The following TAS2R1 variants were observed in gnomAD, a reference collection of about 807,000 sequenced individuals.
TAS2R1 encodes taste receptor type 2 member 1.
For synonymous variants in TAS2R1, 141 were observed against 134.2 expected, an observed-to-expected ratio of 1.05 and a Z score of -0.35; for missense variants, 370 against 353.4, an observed-to-expected ratio of 1.05 and a Z score of -0.38.
chr5:9,873,822 T>C, the TAS2R1 span, among the ~76,000 whole-genome samples: 33 of 147,254 alleles, frequency 2.2e-4, no homozygotes, highest in South Asian at 1.3e-3. Flanking sequence ...TGAGCGGAGA[T>C]TGAGCCATTG....
chr5:9,669,090 C>G lies in TAS2R1; in HGVS notation c.-241-9509G>C, dbSNP rs536318688. Among the ~76,000 whole-genome samples, 6 of 152,110 alleles carry G rather than the reference C, an allele frequency of 3.9e-5. No homozygotes were observed. In the East Asian group the frequency reaches 1.2e-3, roughly 29 times the overall value. On this transcript the variant is annotated intron_variant, in intron 1 of 2. Coordinates refer to the TAS2R1 transcript ENST00000506620. ...AAACACTGGCAAAGCAAATGGAAAACAGAGAAAAAGCAGGAGTTGCTATTC... is the reference window on the plus strand; with the variant it reads ...AAACACTGGCAAAGCAAATGGAAAAGAGAGAAAAAGCAGGAGTTGCTATTC...
At chr5:9,823,449 GAGGGAGGA>G in the TAS2R1 span, among the ~76,000 whole-genome samples, 28 of 151,228 alleles carry the variant, frequency 1.9e-4, no homozygotes, top group African/African-American at 5.6e-4. Context: ...GGAAGAGAGG[GAGGGAGGA>G]AGGGAGGAAG....
At chr5:9,642,642 C>T (rs1740109630) in intron 2 of TAS2R1, among the ~76,000 whole-genome samples, 1 of 152,154 alleles carries the variant, frequency 6.6e-6, no homozygotes, top group Admixed American at 6.5e-5. Context: ...CCTTCCCTTG[C>T]TCAATTTATT....
At chr5:9,799,310 A>G in the TAS2R1 span, among the ~76,000 whole-genome samples, 1 of 152,252 alleles carries the variant, frequency 6.6e-6, no homozygotes, top group Non-Finnish European at 1.5e-5. Flanking sequence ...ACTAAGTATC[A>G]GTGACAATTA....
At chr5:9,766,767 C>T in the TAS2R1 span, among the ~76,000 whole-genome samples, 1 of 152,196 alleles carries the variant, frequency 6.6e-6, no homozygotes, top group Non-Finnish European at 1.5e-5. Context: ...CTGACTCAGA[C>T]TAATGGCCAG....
At chr5:9,846,297 CTA>C in the TAS2R1 span, among the ~76,000 whole-genome samples, 3 of 152,182 alleles carry the variant, frequency 2.0e-5, no homozygotes, top group Non-Finnish European at 4.4e-5. Context: ...CCCATAGGGA[CTA>C]TGTCTTTCTG....
intron 2 of TAS2R1, among the ~76,000 whole-genome samples, chr5:9,643,948 G>A (rs1187273920): frequency 6.6e-6 from 1 of 152,160 alleles, no homozygotes; most frequent in East Asian, 1.9e-4. Context: ...CAGGCAGAGA[G>A]AGGAGGAAAT....
chr5:9,858,755 G>A, the TAS2R1 span, among the ~76,000 whole-genome samples: 4 of 152,130 alleles, frequency 2.6e-5, no homozygotes, highest in Non-Finnish European at 5.9e-5. Context: ...GGTTGTTACA[G>A]GGGTGCTTTC....
chr5:9,778,272 T>G, the TAS2R1 span, among the ~76,000 whole-genome samples: 1 of 152,224 alleles, frequency 6.6e-6, no homozygotes, highest in South Asian at 2.1e-4. Context: ...CTTAAAATAT[T>G]CAATAAACCA....
At chr5:9,793,663 G>A in the TAS2R1 span, among the ~76,000 whole-genome samples, 3 of 152,176 alleles carry the variant, frequency 2.0e-5, no homozygotes, top group African/African-American at 7.2e-5. Flanking sequence ...TGTGGTGTGT[G>A]GTCAGGCAGA....
the TAS2R1 span, among the ~76,000 whole-genome samples, chr5:9,756,493 T>A: frequency 6.6e-6 from 1 of 152,222 alleles, no homozygotes; most frequent in Non-Finnish European, 1.5e-5. Flanking sequence ...ATTGTACCTC[T>A]ACAAACTCAA....
chr5:9,870,063 C>T, the TAS2R1 span: 1 of 152,346 alleles, frequency 6.6e-6, no homozygotes, highest in Admixed American at 6.5e-5. Context: ...GGAAACATGA[C>T]TAAGCCTTTT....
the TAS2R1 span, among the ~76,000 whole-genome samples, chr5:9,884,473 TAAAAAAAA>T: frequency 9.2e-6 from 1 of 108,294 alleles, no homozygotes; most frequent in African/African-American, 3.5e-5. Flanking sequence ...GACTCTGACT[TAAAAAAAA>T]AAAAAAAAAA....
chr5:9,894,152 C>T, the TAS2R1 span, among the ~76,000 whole-genome samples: 14,366 of 152,150 alleles, frequency 0.094, 679 homozygotes, highest in African/African-American at 0.099. Flanking sequence ...CCTGTAATCC[C>T]TGTACTTTGG....
At chr5:9,661,123 G>C (rs1579772494) in intron 1 of TAS2R1, among the ~76,000 whole-genome samples, 1 of 152,164 alleles carries the variant, frequency 6.6e-6, no homozygotes, top group Non-Finnish European at 1.5e-5. Context: ...CTACATTTTT[G>C]GTCATTTGTT....
chr5:9,757,829 TC>T, the TAS2R1 span, among the ~76,000 whole-genome samples: 4 of 152,176 alleles, frequency 2.6e-5, no homozygotes, highest in Non-Finnish European at 5.9e-5. Flanking sequence ...ATTACTTTTC[TC>T]ATAATCTTTA....
the TAS2R1 span, among the ~76,000 whole-genome samples, chr5:9,856,972 C>A: frequency 6.6e-6 from 1 of 152,098 alleles, no homozygotes; most frequent in Non-Finnish European, 1.5e-5. Context: ...TAAAATCATG[C>A]CATTTGGCTC....
chr5:9,718,511 G>T, the TAS2R1 span, among the ~76,000 whole-genome samples: 2 of 151,822 alleles, frequency 1.3e-5, 1 homozygote, highest in South Asian at 4.2e-4. Context: ...CAAGAGGCTG[G>T]GTGCAGTGGC....
chr5:9,673,562 A>C (rs759855406), intron 1 of TAS2R1, among the ~76,000 whole-genome samples: 1 of 151,916 alleles, frequency 6.6e-6, no homozygotes, highest in Non-Finnish European at 1.5e-5. Flanking sequence ...ATTCAAACAA[A>C]GTATAAAAAT....
Sources: gnomAD v4.1 joint callset for allele counts (sites outside exome capture counted in the v4.1 genomes callset) on GRCh38, gnomAD v4.1.1 for gene constraint, MANE v1.5 for transcripts, NCBI Gene and HGNC (gene_info 2026-07-23, HGNC 2026-07-21) for gene names.